COX7B2: variants seen among roughly 807,000 people sequenced by gnomAD.
COX7B2 encodes cytochrome c oxidase subunit 7B2.
For synonymous variants in COX7B2, 37 were observed against 32.1 expected, an observed-to-expected ratio of 1.15 and a Z score of -0.51; for missense variants, 109 against 95.9, an observed-to-expected ratio of 1.14 and a Z score of -0.57.
At chr4:46,820,850 T>TATAG (rs1553889377) in intron 2 of COX7B2, among the ~76,000 whole-genome samples, 7 of 146,312 alleles carry the variant, frequency 4.8e-5, no homozygotes, top group Admixed American at 2.1e-4. Flanking sequence ...TATATATATA[T>TATAG]ATAGATAGAT....
At chr4:46,863,170 T>C (rs1046027389) in intron 1 of COX7B2, among the ~76,000 whole-genome samples, 4 of 152,148 alleles carry the variant, frequency 2.6e-5, no homozygotes, top group African/African-American at 7.2e-5. Context: ...AAAGGTTATT[T>C]ATGAAATGAG....
intron 1 of COX7B2, among the ~76,000 whole-genome samples, chr4:46,881,845 GT>G (rs1577693253): frequency 6.6e-6 from 1 of 152,010 alleles, no homozygotes; most frequent in African/African-American, 2.4e-5. Flanking sequence ...TAGCTTTGAG[GT>G]TTTTTTCTTG....
intron 2 of COX7B2, among the ~76,000 whole-genome samples, chr4:46,824,402 G>A (rs751507001): frequency 2.6e-5 from 4 of 151,974 alleles, no homozygotes; most frequent in Admixed American, 6.6e-5. Flanking sequence ...GGTATACATC[G>A]CTGGCCCTCA....
chr4:46,820,454 G>T (rs1714191759), intron 2 of COX7B2, among the ~76,000 whole-genome samples: 1 of 152,140 alleles, frequency 6.6e-6, no homozygotes, highest in South Asian at 2.1e-4. Flanking sequence ...GTTCCTAACA[G>T]GCCATGGGCT....
intron 1 of COX7B2, among the ~76,000 whole-genome samples, chr4:46,900,238 T>G (rs1407849551): frequency 6.6e-6 from 1 of 152,200 alleles, no homozygotes; most frequent in Admixed American, 6.5e-5. Context: ...TGGAGACATC[T>G]CTAGGTCTGT....
chr4:46,848,945 C>T (rs1716478500), intron 1 of COX7B2, among the ~76,000 whole-genome samples: 1 of 151,904 alleles, frequency 6.6e-6, no homozygotes, highest in South Asian at 2.1e-4. Context: ...TACTTTAAAT[C>T]ATCTTTAGAT....
At chr4:46,794,609 G>T (rs1004594857) in intron 2 of COX7B2, among the ~76,000 whole-genome samples, 3 of 152,074 alleles carry the variant, frequency 2.0e-5, no homozygotes, top group Non-Finnish European at 4.4e-5. Context: ...GGGAACTACA[G>T]AAACTGAACT....
At chr4:46,785,293 T>C (rs1253085294) in intron 2 of COX7B2, among the ~76,000 whole-genome samples, 1 of 151,702 alleles carries the variant, frequency 6.6e-6, no homozygotes, top group East Asian at 1.9e-4. Context: ...TTAAAACTAA[T>C]ACAATACTGC....
intron 1 of COX7B2, among the ~76,000 whole-genome samples, chr4:46,876,188 T>C (rs1388050357): frequency 6.6e-6 from 1 of 152,186 alleles, no homozygotes; most frequent in Non-Finnish European, 1.5e-5. Context: ...CTGTACTAGC[T>C]GTACAATTAC....
At chr4:46,876,162 G>A (rs528638185) in intron 1 of COX7B2, among the ~76,000 whole-genome samples, 77 of 152,018 alleles carry the variant, frequency 5.1e-4, no homozygotes, top group Non-Finnish European at 8.4e-4. Flanking sequence ...AAGAACAAAA[G>A]GTTTTAAAAA....
chr4:46,889,198 A>G (rs955815490), intron 1 of COX7B2, among the ~76,000 whole-genome samples: 5 of 152,166 alleles, frequency 3.3e-5, no homozygotes, highest in African/African-American at 7.2e-5. Context: ...TAGTTAAACC[A>G]CCTTTATAGA....
chr4:46,760,203 G>C (rs1277366689), intron 2 of COX7B2, among the ~76,000 whole-genome samples: 2 of 152,050 alleles, frequency 1.3e-5, no homozygotes, highest in African/African-American at 4.8e-5. Context: ...AATTCCATTA[G>C]TGGATATATA....
intron 2 of COX7B2, among the ~76,000 whole-genome samples, chr4:46,820,098 ACTTT>A (rs1003260569): frequency 1.6e-4 from 24 of 152,340 alleles, no homozygotes; most frequent in African/African-American, 4.8e-4. Flanking sequence ...TTTATTGTGC[ACTTT>A]CTTTCTATTA....
At chr4:46,816,518 A>G (rs1484537297) in intron 2 of COX7B2, among the ~76,000 whole-genome samples, 1 of 152,194 alleles carries the variant, frequency 6.6e-6, no homozygotes, top group African/African-American at 2.4e-5. Flanking sequence ...TATAGTTATT[A>G]TATCTATTAT....
intron 2 of COX7B2, among the ~76,000 whole-genome samples, chr4:46,743,486 C>T (rs1714833440): frequency 6.6e-6 from 1 of 152,190 alleles, no homozygotes. Flanking sequence ...TACATAGTCT[C>T]TTAGCTTTAA....
At chr4:46,821,256 C>T (rs933208561) in intron 2 of COX7B2, among the ~76,000 whole-genome samples, 2 of 152,162 alleles carry the variant, frequency 1.3e-5, no homozygotes, top group Non-Finnish European at 2.9e-5. Flanking sequence ...CAGTCACTCT[C>T]ATCAAAGAAA....
intron 2 of COX7B2, among the ~76,000 whole-genome samples, chr4:46,804,046 T>G (rs1373062578): frequency 1.3e-5 from 2 of 152,094 alleles, no homozygotes; most frequent in East Asian, 3.9e-4. Flanking sequence ...GTGTTTGGAG[T>G]TTCTTTTTTC....
chr4:46,744,794 G>A (rs967700796), intron 2 of COX7B2, among the ~76,000 whole-genome samples: 3 of 136,414 alleles, frequency 2.2e-5, no homozygotes, highest in African/African-American at 8.1e-5. Context: ...CTAGGCTGTA[G>A]TGCAGTGGCG....
At chr4:46,762,272 A>C (rs1169553213) in intron 2 of COX7B2, among the ~76,000 whole-genome samples, 5 of 140,524 alleles carry the variant, frequency 3.6e-5, no homozygotes, top group Non-Finnish European at 6.1e-5. Context: ...TATATTTAAT[A>C]TATATGTAAC....
Sources: gnomAD v4.1 joint callset for allele counts (sites outside exome capture counted in the v4.1 genomes callset) on GRCh38, gnomAD v4.1.1 for gene constraint, MANE v1.5 for transcripts, NCBI Gene and HGNC (gene_info 2026-07-23, HGNC 2026-07-21) for gene names.